The following YAP1 variants were observed in gnomAD, a reference collection of about 807,000 sequenced individuals.
YAP1 encodes Yes1 associated transcriptional regulator, also known as transcriptional coactivator YAP1.
A neutral mutation model predicts 56.9 loss-of-function variants in YAP1; 5 were observed. That is an observed-to-expected ratio of 0.09 (90% CI 0.05 to 0.18). The LOEUF (loss-of-function observed/expected upper bound fraction) is 0.18, where lower values mean the gene tolerates loss of function less well. YAP1 is among the 10% of genes least tolerant of loss of function. YAP1 has a pLI of 1.00. For missense variants in YAP1, 539 were observed against 651.8 expected (o/e 0.83, Z 1.88); for synonymous variants, 265 against 248.1 (o/e 1.07, Z -0.64).
intron 2 of YAP1, among the ~76,000 whole-genome samples, chr11:102,122,204 G>A (rs1281462271): frequency 6.6e-6 from 1 of 152,176 alleles, no homozygotes; most frequent in Non-Finnish European, 1.5e-5. Flanking sequence ...CAGATAACTT[G>A]AGGGTAGGAG....
chr11:102,210,325 G>C (rs926630880), intron 6 of YAP1, among the ~76,000 whole-genome samples: 1 of 152,202 alleles, frequency 6.6e-6, no homozygotes, highest in Non-Finnish European at 1.5e-5. Context: ...ACCATATAAT[G>C]CCTCACCTTC....
At chr11:102,204,357 G>A (rs7931810) in intron 4 of YAP1, among the ~76,000 whole-genome samples, 140,722 of 152,190 alleles carry the variant, frequency 0.92, 66,003 homozygotes, top group East Asian at 1. Flanking sequence ...TTTTTTCAGC[G>A]CACACTTTGT....
chr11:102,226,064 C>G (rs1261940457), intron 7 of YAP1, among the ~76,000 whole-genome samples: 1 of 152,160 alleles, frequency 6.6e-6, no homozygotes, highest in Non-Finnish European at 1.5e-5. Flanking sequence ...TTCAGTTATT[C>G]AGTAATAGAC....
chr11:102,203,795 A>G (rs1315325129), intron 4 of YAP1, among the ~76,000 whole-genome samples: 1 of 152,258 alleles, frequency 6.6e-6, no homozygotes, highest in Non-Finnish European at 1.5e-5. Flanking sequence ...CATGAATTAT[A>G]CTATTTCAAA....
At chr11:102,150,903 T>C (rs1945610231) in intron 2 of YAP1, among the ~76,000 whole-genome samples, 2 of 147,524 alleles carry the variant, frequency 1.4e-5, no homozygotes, top group Admixed American at 7.0e-5. Flanking sequence ...TAGGTTCAAG[T>C]GATTCTCCTG....
rs199546119 is a variant in YAP1, at chr11:102,196,728, TA to T, written c.803-9163del. On this transcript the variant is annotated intron_variant, in intron 4 of 8. Coordinates refer to ENST00000282441, the MANE Select transcript of YAP1 (RefSeq NM_001130145.3). ...TGTAAGAACTACCAGACAGTACATG[TA>T]ACAAGGGTGAATTATCCCAGTAAAG... Among the ~76,000 whole-genome samples, 1,002 of 151,968 alleles carry T rather than the reference TA, an allele frequency of 6.6e-3. 18 individuals are homozygous for T. The highest frequency in any genetic ancestry group is 0.023 in the African/African-American group (970 of 41,468).
chr11:102,209,613 ATT>A, intron 6 of YAP1, 49 bp downstream of exon 6: 8 of 1,474,890 alleles, frequency 5.4e-6, no homozygotes, highest in African/African-American at 1.4e-5. Flanking sequence ...AAAAAAAGAT[ATT>A]AAATTAGGAA....
intron 4 of YAP1, among the ~76,000 whole-genome samples, chr11:102,203,705 CAT>C (rs1360242437): frequency 1.3e-5 from 2 of 152,014 alleles, no homozygotes; most frequent in Admixed American, 1.3e-4. Context: ...TGTTTGGAAA[CAT>C]AAAAATATAT....
chr11:102,184,504 G>T (rs1565242279), intron 3 of YAP1, among the ~76,000 whole-genome samples: 1 of 152,144 alleles, frequency 6.6e-6, no homozygotes, highest in Admixed American at 6.5e-5. Context: ...CCTTCCTAAG[G>T]ATTCTAGGCA....
chr11:102,180,183 A>G (rs1267654155), intron 3 of YAP1, among the ~76,000 whole-genome samples: 1 of 151,596 alleles, frequency 6.6e-6, no homozygotes, highest in African/African-American at 2.4e-5. Context: ...CTAATTTTGT[A>G]GTTTTAGTAG....
At chr11:102,169,844 AT>A (rs1187719919) in intron 3 of YAP1, among the ~76,000 whole-genome samples, 2 of 152,200 alleles carry the variant, frequency 1.3e-5, no homozygotes, top group Non-Finnish European at 2.9e-5. Flanking sequence ...AAAAATGATA[AT>A]ATGGAAACAA....
chr11:102,191,599 C>T (rs956873786), intron 4 of YAP1, among the ~76,000 whole-genome samples: 11 of 152,174 alleles, frequency 7.2e-5, no homozygotes, highest in African/African-American at 2.7e-4. Flanking sequence ...GTGGTTAATG[C>T]ACTTGCATCT....
chr11:102,181,273 G>A (rs184150695), intron 3 of YAP1, among the ~76,000 whole-genome samples: 2,395 of 151,504 alleles, frequency 0.016, 59 homozygotes, highest in African/African-American at 0.047. Context: ...GTGAAACCCC[G>A]TCTCTACTAA....
intron 4 of YAP1, among the ~76,000 whole-genome samples, chr11:102,199,120 G>A (rs1055897161): frequency 6.6e-6 from 1 of 152,188 alleles, no homozygotes; most frequent in African/African-American, 2.4e-5. Context: ...AAGAAGTTCT[G>A]CAGAAGAGAG....
chr11:102,189,687 T>C (rs1356596316), intron 4 of YAP1, among the ~76,000 whole-genome samples: 1 of 152,214 alleles, frequency 6.6e-6, no homozygotes, highest in East Asian at 1.9e-4. Flanking sequence ...GTTCCTTTGT[T>C]TCAGTTTCCC....
intron 4 of YAP1, among the ~76,000 whole-genome samples, chr11:102,194,107 T>A (rs1466971546): frequency 6.6e-6 from 1 of 152,192 alleles, no homozygotes; most frequent in Non-Finnish European, 1.5e-5. Flanking sequence ...GCCAAGCCTT[T>A]TACATAGTTT....
At chr11:102,224,294 C>A (rs1177357842) in intron 7 of YAP1, among the ~76,000 whole-genome samples, 2 of 152,170 alleles carry the variant, frequency 1.3e-5, no homozygotes, top group Non-Finnish European at 2.9e-5. Context: ...CTTAGGGATG[C>A]TTCTTAGTGA....
At chr11:102,150,057 T>A (rs1208439210) in intron 2 of YAP1, among the ~76,000 whole-genome samples, 2 of 136,872 alleles carry the variant, frequency 1.5e-5, no homozygotes, top group African/African-American at 2.7e-5. Flanking sequence ...CTATCTCGGC[T>A]CCTTGCAACT....
intron 6 of YAP1, among the ~76,000 whole-genome samples, chr11:102,222,277 T>C (rs1949971668): frequency 1.3e-5 from 2 of 152,152 alleles, no homozygotes; most frequent in Non-Finnish European, 2.9e-5. Context: ...AAACTGTATG[T>C]ATTTCAAATC....
Sources: allele counts gnomAD v4.1 joint callset (sites outside exome capture counted in the v4.1 genomes callset), GRCh38; gene constraint gnomAD v4.1.1; transcripts MANE v1.5; gene names NCBI Gene and HGNC (gene_info 2026-07-23, HGNC 2026-07-21).